PODNL1: variants seen among roughly 807,000 people sequenced by gnomAD.
PODNL1 encodes the protein podocan like 1.
A neutral mutation model predicts 45.1 loss-of-function variants in PODNL1; 50 were observed. The observed-to-expected ratio is 1.11, with a 90% CI of 0.88 to 1.40. The LOEUF (loss-of-function observed/expected upper bound fraction) is 1.40. PODNL1 is among the 40% of genes most tolerant of loss of function. PODNL1 has a pLI of 0.00. For synonymous variants in PODNL1, 406 were observed against 372.5 expected (o/e 1.09, Z -1.04); for missense variants, 788 against 793.3 (o/e 0.99, Z 0.08).
At chr19:13,952,122 C>T (rs1249572704) in intron 1 of PODNL1, among the ~76,000 whole-genome samples, 1 of 152,260 alleles carries the variant, frequency 6.6e-6, no homozygotes, top group South Asian at 2.1e-4. Context: ...TGAGGATTCT[C>T]GAGCCTTGGT....
chr19:13,931,686 G>A lies in PODNL1; in HGVS notation c.*51C>T, dbSNP rs969507003. ...GGTGGGCGTTGTCTCCTCAGTCCACGGCCCAGCGGAGTCCCAGGAGTCTGA... is the reference window on the plus strand; with the variant it reads ...GGTGGGCGTTGTCTCCTCAGTCCACAGCCCAGCGGAGTCCCAGGAGTCTGA... On this transcript the variant is annotated 3_prime_UTR_variant, in exon 10 of 10. Transcript: ENST00000588872. 4.1e-6 allele frequency: 5 copies of A among 1,230,852 alleles called. No homozygotes were observed. The highest frequency in any genetic ancestry group is 3.1e-5 in the African/African-American group (2 of 64,408). 76.2% of individuals were successfully genotyped at this position (1,230,852 alleles called of 1,614,324 possible).
chr19:13,937,992 C>T lies in PODNL1; in HGVS notation c.18G>A (p.Leu6=), dbSNP rs1972494159. ...GGGGCCCCGGCAACAGCAGGAGCAG[C>T]AGCAGGCTCGGCCACTGCGGGGGAG... The part of the protein sequence containing the change: MWPSL[L]LLLLLPGPPP... Residue 6 remains leucine (L), a synonymous_variant, in exon 2 of 10, where the codon CTG becomes CTA. Transcript: ENST00000588872. 4 of 1,535,494 alleles carry T rather than the reference C, an allele frequency of 2.6e-6. No individual in the cohort carries two copies. The highest frequency in any genetic ancestry group is 1.2e-5 in the South Asian group (1 of 83,200).
Position 13,935,827 on chromosome 19 carries a change from A to C in PODNL1, c.388T>G (p.Ser130Ala), listed in dbSNP as rs1283427476. 2 of 1,601,680 alleles carry C rather than the reference A, an allele frequency of 1.2e-6. No individual in the cohort carries two copies. The highest frequency in any genetic ancestry group is 1.1e-5 in the South Asian group (1 of 89,878). The change falls in exon 5 of 10, where the codon TCA (serine) becomes GCA (alanine). Residue 130 changes from serine to alanine, a missense_variant. Physicochemically the swap from Ser to Ala is moderately conservative, Grantham distance 99. Transcript: ENST00000588872. ...CGGGGCAGAAACTGAGGGGCCACTG[A>C]GAGCTGTGGGGACACAGCCCACAGC... ...QHLCVAHNKL[S>A]VAPQFLPRSL...
At chr19:13,940,545 T>C (rs1170868031), upstream of PODNL1, among the ~76,000 whole-genome samples, 2 of 100,396 alleles carry the variant, frequency 2.0e-5, no homozygotes, top group Non-Finnish European at 3.7e-5. Flanking sequence ...TACTCCAGCC[T>C]GGGTGACAGA....
intron 1 of PODNL1, 61 bp downstream of exon 1, chr19:13,938,118 C>A: frequency 2.0e-6 from 3 of 1,525,442 alleles, no homozygotes; most frequent in Admixed American, 4.1e-5. Flanking sequence ...GGCCAGTTGG[C>A]AGAGCAGGGG....
rs202013571 is a variant in PODNL1 at position 13,933,168 on chromosome 19, C to A, written c.1055G>T (p.Arg352Leu). Residue 352 changes from arginine (R) to leucine (L), a missense_variant, in exon 8 of 10, where the codon CGC becomes CTC. Physicochemically the swap from Arg to Leu is moderately radical, Grantham distance 102. This residue lies in a region of PODNL1 where 762 missense variants were observed against 750.9 expected (regional missense o/e 1.01). Transcript: ENST00000588872. The surrounding 1 kb of genome is among the most constrained non-coding windows in gnomAD (Gnocchi z 5.2). ...GTGGGGCAGCACCAGGGCACGCAGGCGGCGGGGCAGGGCTGGAGGCACGCG... is the reference window on the plus strand; with the variant it reads ...GTGGGGCAGCACCAGGGCACGCAGGAGGCGGGGCAGGGCTGGAGGCACGCG... ...LDRVPPALPR[R>L]LRALVLPHNH... 8.5e-6 allele frequency: 13 copies of A among 1,531,894 alleles called. No individual in the cohort carries two copies. The highest frequency in any genetic ancestry group is 2.0e-5 in the Admixed American group (1 of 50,470). 94.9% of individuals were successfully genotyped at this position (1,531,894 alleles called of 1,614,324 possible). A position where few individuals can be genotyped will look rare whatever the true frequency, so the allele number is the denominator to read the frequency against.
intron 1 of PODNL1, chr19:13,952,593 G>A: frequency 1.6e-6 from 2 of 1,266,788 alleles, no homozygotes; most frequent in Non-Finnish European, 2.0e-6. Flanking sequence ...GAGGGAAGCG[G>A]GCAGCAGGGC....
At chr19:13,939,304 G>A (rs1011984025), upstream of PODNL1, among the ~76,000 whole-genome samples, 6 of 152,098 alleles carry the variant, frequency 3.9e-5, no homozygotes, top group Admixed American at 2.6e-4. Context: ...CTCCACCTCC[G>A]GGGTTCAAGT....
At position 13,953,095 on chromosome 19, in the gene PODNL1, C is replaced by T. The variant is rs576714136; in HGVS notation, c.18+24G>A. 1.4e-5 allele frequency: 22 copies of T among 1,550,826 alleles called. No homozygotes were observed. In the East Asian group the frequency reaches 5.4e-4, roughly 38 times the overall value. ...CCTCTCCCTGCCCAAGCCCCGACCA[C>T]ACATGAGCTGGGAGTTCCAGTACCT... is the stretch of plus-strand genomic sequence containing the variant. On this transcript the variant is annotated intron_variant, in intron 1 of 7. Transcript: ENST00000538371.
chr19:13,947,884 C>T (rs920801645), intron 1 of PODNL1, among the ~76,000 whole-genome samples: 22 of 152,074 alleles, frequency 1.4e-4, no homozygotes, highest in African/African-American at 4.6e-4. Context: ...TCTGAGACAG[C>T]GTCTCATTCT....
At chr19:13,953,170 T>A in exon 1 of PODNL1, 1 of 1,524,954 alleles carries the variant, frequency 6.6e-7, no homozygotes. Context: ...TAGGGCTGAG[T>A]CTTCCCCCGC....
chr19:13,931,780 AG>A lies in PODNL1; in HGVS notation c.1681del (p.Leu561CysfsTer97). Reference sequence around the variant, plus strand: ...TGGCCCACGTGGGGTGGTGGGAGGCAGCCGGATCAGGACCTGCTCCGGATTC... The same window carrying A: ...TGGCCCACGTGGGGTGGTGGGAGGCACCGGATCAGGACCTGCTCCGGATTC... ...AGNPEQVLIR[L>X]PPTTPRGPRA... On this transcript the variant is annotated frameshift_variant, in exon 10 of 10. Coordinates refer to ENST00000588872, the MANE Select transcript of PODNL1 (RefSeq NM_001370095.3). LOFTEE classifies it low-confidence loss of function (END_TRUNC). The A allele has an allele frequency of 8.1e-7, 1 of 1,231,784 alleles. No individual in the cohort carries two copies. Among genetic ancestry groups the A allele is most frequent in the Non-Finnish European group, 1.0e-6 (1 of 987,908 alleles). The allele number at this position is 1,231,784 out of a possible 1,614,324, so 76.3% of individuals were successfully genotyped here. A position where few individuals can be genotyped will look rare whatever the true frequency, so the allele number is the denominator to read the frequency against.
Position 13,933,236 on chromosome 19 carries a change from C to T in PODNL1, c.987G>A (p.Leu329=), listed in dbSNP as rs1228113998. The stretch of plus-strand genomic sequence containing the variant: ...AGAGGTGCAGCGTGTGCAGGCCCCG[C>T]AGCGGCCGCAGAGCCCCGGCGGGCA... ...SGLPAGALRP[L]RGLHTLHLYG... The change falls in exon 8 of 10, where the codon CTG becomes CTA. Residue 329 remains leucine (L), a synonymous_variant. Transcript: ENST00000588872. This position sits in a 1 kb window ranked among gnomAD's most constrained non-coding sequence, Gnocchi z 5.2. 11 of 1,542,524 alleles carry T rather than the reference C, an allele frequency of 7.1e-6. 1 individual carries two copies. Among genetic ancestry groups the T allele is most frequent in the Non-Finnish European group, 7.8e-6 (9 of 1,149,096 alleles).
chr19:13,938,159 C>G lies in PODNL1; in HGVS notation c.3+20G>C, dbSNP rs976558122. ...GGGCAGGCAGGCCCCACCCTCAGAC[C>G]CTCCCGTGCCCCACCTTACCATGGC... On this transcript the variant is annotated intron_variant, in intron 1 of 9. Coordinates refer to ENST00000588872, the MANE Select transcript of PODNL1 (RefSeq NM_001370095.3). 4 of 1,596,582 alleles carry G rather than the reference C, an allele frequency of 2.5e-6. No homozygotes were observed. In the African/African-American group the frequency reaches 5.4e-5, roughly 21 times the overall value.
At chr19:13,936,122 AGGACTCTCGGCCGGG>A in intron 3 of PODNL1, 78 bp from the exon 4 acceptor site, 1 of 1,307,436 alleles carries the variant, frequency 7.6e-7, no homozygotes, top group Non-Finnish European at 1.1e-6. Flanking sequence ...CAGCTGCCCC[AGGACTCTCGGCCGGG>A]GAACTGGCAG....
chr19:13,942,630 C>G (rs759733880), upstream of PODNL1, among the ~76,000 whole-genome samples: 4 of 152,148 alleles, frequency 2.6e-5, no homozygotes, highest in Non-Finnish European at 4.4e-5. Context: ...ATCAATGTGG[C>G]CCCAGTGTCC....
intron 1 of PODNL1, among the ~76,000 whole-genome samples, chr19:13,946,019 C>T (rs1972804318): frequency 6.6e-6 from 1 of 151,874 alleles, no homozygotes; most frequent in Admixed American, 6.6e-5. Context: ...ACTTGGGCAA[C>T]AGAGCAAGAC....
upstream of PODNL1, among the ~76,000 whole-genome samples, chr19:13,940,503 G>A (rs58895291): frequency 1.1e-3 from 167 of 148,380 alleles, no homozygotes; most frequent in African/African-American, 4.0e-3. Flanking sequence ...CCAGGGAGGC[G>A]GAGGTTGCAG....
intron 1 of PODNL1, chr19:13,952,699 G>A: frequency 7.7e-7 from 1 of 1,302,584 alleles, no homozygotes; most frequent in African/African-American, 1.6e-5. Context: ...GTAGGGACGA[G>A]GGAGGCGGAG....
Sources: allele counts gnomAD v4.1 joint callset (sites outside exome capture counted in the v4.1 genomes callset), GRCh38; gene constraint gnomAD v4.1.1; regional missense constraint gnomAD v4.1.1; non-coding constraint Gnocchi (gnomAD v3.1); transcripts MANE v1.5; gene names NCBI Gene and HGNC (gene_info 2026-07-23, HGNC 2026-07-21).